RABGEF1: variants seen among roughly 807,000 people sequenced by gnomAD.
RABGEF1 encodes RAB guanine nucleotide exchange factor 1, also known as rab5 GDP/GTP exchange factor.
RABGEF1 carries 26 observed loss-of-function variants against 57.3 expected under a neutral mutation model. That is an observed-to-expected ratio of 0.45 (90% CI 0.33 to 0.63). The LOEUF (loss-of-function observed/expected upper bound fraction) is 0.63, where lower values mean the gene tolerates loss of function less well. Ranked by LOEUF, RABGEF1 falls within the 20% of genes least tolerant of loss-of-function variation. RABGEF1 has a pLI of 0.02. For synonymous variants in RABGEF1, 185 were observed against 210.7 expected, an observed-to-expected ratio of 0.88 and a Z score of 1.06; for missense variants, 464 against 607.6, an observed-to-expected ratio of 0.76 and a Z score of 2.48.
intron 4 of RABGEF1, among the ~76,000 whole-genome samples, chr7:66,791,197 A>G (rs1483286432): frequency 6.6e-6 from 1 of 152,352 alleles, no homozygotes; most frequent in East Asian, 1.9e-4. Flanking sequence ...GAGATGCAAA[A>G]TGAGCATATG....
intron 4 of RABGEF1, among the ~76,000 whole-genome samples, chr7:66,794,207 A>ATTTTTTTTTTTT (rs1174835014): frequency 1.7e-3 from 157 of 90,950 alleles, no homozygotes; most frequent in East Asian, 1.9e-3. Context: ...TCCATGTTTA[A>ATTTTTTTTTTTT]TTTTTTTTTT....
At chr7:66,689,871 C>T (rs2117109220) in intron 1 of RABGEF1, among the ~76,000 whole-genome samples, 1 of 151,914 alleles carries the variant, frequency 6.6e-6, no homozygotes, top group East Asian at 1.9e-4. Context: ...AATTAAAATC[C>T]TCCCAACAAA....
the RABGEF1 span, among the ~76,000 whole-genome samples, chr7:66,663,849 G>C: frequency 6.6e-6 from 1 of 151,818 alleles, no homozygotes; most frequent in African/African-American, 2.4e-5. Flanking sequence ...CAAGGTGAGT[G>C]GATCACCTAA....
At chr7:66,787,487 G>A (rs893626546) in intron 4 of RABGEF1, among the ~76,000 whole-genome samples, 3 of 151,898 alleles carry the variant, frequency 2.0e-5, no homozygotes, top group Admixed American at 2.0e-4. Context: ...GAGATTACAG[G>A]TGTGCACCAC....
At chr7:66,739,835 A>T (rs1428383789), upstream of RABGEF1, 1 of 152,232 alleles carries the variant, frequency 6.6e-6, no homozygotes, top group Admixed American at 6.5e-5. Context: ...GGCATTCAGG[A>T]CGCAGAGGAA....
At chr7:66,657,694 G>A in the RABGEF1 span, among the ~76,000 whole-genome samples, 6 of 152,248 alleles carry the variant, frequency 3.9e-5, no homozygotes, top group African/African-American at 1.4e-4. Flanking sequence ...GGTGATGCAG[G>A]CCTGTAATCC....
Position 66,728,947 on chromosome 7 carries a change from T to A in RABGEF1, c.-814-11049T>A, listed in dbSNP as rs1434186981. 2.1e-5 allele frequency among the ~76,000 whole-genome samples: 3 copies of A among 144,648 alleles called. No homozygotes were observed. In the East Asian group the frequency reaches 6.2e-4, roughly 30 times the overall value. The allele number at this position is 144,648 out of a possible 152,430, so 94.9% of individuals were successfully genotyped here. ...CTCCATCCAAATCTCCATCTTCACC[T>A]CCACTTTTTTTTTTTTTTTTTGAGG... is the stretch of plus-strand genomic sequence containing the variant. On this transcript the variant is annotated intron_variant and NMD_transcript_variant, in intron 2 of 9. Transcript: ENST00000607882.
At chr7:66,699,338 C>T (rs1792859131) in intron 1 of RABGEF1, among the ~76,000 whole-genome samples, 1 of 152,188 alleles carries the variant, frequency 6.6e-6, no homozygotes, top group Admixed American at 6.5e-5. Flanking sequence ...TTGCCTTTCA[C>T]CAGATATAAG....
chr7:66,800,192 AG>A (rs1786968204), intron 7 of RABGEF1, among the ~76,000 whole-genome samples: 1 of 152,208 alleles, frequency 6.6e-6, no homozygotes, highest in African/African-American at 2.4e-5. Context: ...GCCATCGAGT[AG>A]GCTCCTTTTG....
chr7:66,809,968 G>A lies in RABGEF1; in HGVS notation c.*684G>A, dbSNP rs1064795. The A allele has an allele frequency of 0.12, 17,927 of 152,504 alleles. 1,251 individuals are homozygous for A. The highest frequency in any genetic ancestry group is 0.2 in the East Asian group (1,047 of 5,192). 9.4% of individuals were successfully genotyped at this position (152,504 alleles called of 1,614,324 possible). On this transcript the variant is annotated 3_prime_UTR_variant, in exon 9 of 9. Coordinates refer to ENST00000284957, the MANE Select transcript of RABGEF1 (RefSeq NM_014504.3). ...AGTCAGAGACTATGACACCACTAAGGTTCAGAATAAAGTTTAGGCCACATA... is the reference window on the plus strand; with the variant it reads ...AGTCAGAGACTATGACACCACTAAGATTCAGAATAAAGTTTAGGCCACATA...
In RABGEF1 at chr7:66,698,404, GAGAGTC is replaced by G. The variant is rs564911501; in HGVS notation, c.-872-13758_-872-13753del. Among the ~76,000 whole-genome samples, 629 of 152,302 alleles carry G rather than the reference GAGAGTC, an allele frequency of 4.1e-3. 3 individuals carry two copies. The highest frequency in any genetic ancestry group is 0.014 in the African/African-American group (578 of 41,568). On this transcript the variant is annotated intron_variant and NMD_transcript_variant, in intron 1 of 9. Coordinates refer to the RABGEF1 transcript ENST00000607882. ...TCATCAAAGTGGGCAGCCCACGAAA[GAGAGTC>G]AGAGGAGAGTGCAAGGTCCCCACCC... is the stretch of plus-strand genomic sequence containing the variant.
Position 66,805,409 on chromosome 7 carries a change from G to A in RABGEF1, c.1077+13G>A. ...TTTCACCAATCTGGTGAGTAAGTGA[G>A]TTCTTGGTGTTGTGGAGAAGGACTA... On this transcript the variant is annotated intron_variant, in intron 8 of 8. Transcript: ENST00000284957. The A allele has an allele frequency of 1.2e-6, 2 of 1,613,234 alleles. No homozygotes were observed. Among genetic ancestry groups the A allele is most frequent in the Non-Finnish European group, 1.7e-6 (2 of 1,179,538 alleles).
intron 4 of RABGEF1, among the ~76,000 whole-genome samples, chr7:66,784,432 C>T (rs1456661337): frequency 6.6e-6 from 1 of 152,216 alleles, no homozygotes; most frequent in African/African-American, 2.4e-5. Context: ...GTGATTTCCA[C>T]ACCTGTTTCT....
chr7:66,725,407 T>G (rs1023753161), intron 2 of RABGEF1, among the ~76,000 whole-genome samples: 1 of 152,198 alleles, frequency 6.6e-6, no homozygotes, highest in Non-Finnish European at 1.5e-5. Context: ...CCATCTACTT[T>G]TTGTCTTTAT....
chr7:66,755,992 CAT>C (rs1802616197), intron 1 of RABGEF1: 2 of 1,282,432 alleles, frequency 1.6e-6, no homozygotes, highest in Non-Finnish European at 2.1e-6. Flanking sequence ...TATATTTAAT[CAT>C]ATGAAAGTTG....
chr7:66,797,449 T>A lies in RABGEF1; in HGVS notation c.671T>A (p.Phe224Tyr). The A allele has an allele frequency of 6.2e-7, 1 of 1,611,724 alleles. No individual in the cohort carries two copies. Among genetic ancestry groups the A allele is most frequent in the Non-Finnish European group, 8.5e-7 (1 of 1,179,720 alleles). ...YIMTRLYKYV[F>Y]CPETTDDEKK... ...ATGACTCGTCTCTATAAATATGTAT[T>A]CTGTCCAGAAACTACTGATGATGAG... The change falls in exon 6 of 9, where the codon TTC (phenylalanine) becomes TAC (tyrosine). Residue 224 changes from phenylalanine (F) to tyrosine (Y), a missense_variant. Transcript: ENST00000284957.
chr7:66,771,802 C>G, intron 1 of RABGEF1, 81 bp from the exon 2 acceptor site: 5 of 1,043,494 alleles, frequency 4.8e-6, no homozygotes, highest in Non-Finnish European at 6.5e-6. Context: ...AATGGAATCA[C>G]TCACTTTTTG....
upstream of RABGEF1, chr7:66,740,111 G>A (rs1798582328): frequency 6.6e-6 from 1 of 152,368 alleles, no homozygotes; most frequent in Non-Finnish European, 1.5e-5. Flanking sequence ...TGGGACCACA[G>A]GTGCCCGCCA....
intron 3 of RABGEF1, among the ~76,000 whole-genome samples, chr7:66,781,800 G>T (rs1809974106): frequency 6.6e-6 from 1 of 152,140 alleles, no homozygotes; most frequent in Non-Finnish European, 1.5e-5. Flanking sequence ...AACTCCAAAT[G>T]CTATCTGCTC....
Sources: gnomAD v4.1 joint callset for allele counts (sites outside exome capture counted in the v4.1 genomes callset) on GRCh38, gnomAD v4.1.1 for gene constraint, MANE v1.5 for transcripts, NCBI Gene and HGNC (gene_info 2026-07-23, HGNC 2026-07-21) for gene names.